IGF2BP2: variants seen among roughly 807,000 people sequenced by gnomAD.
The protein encoded by IGF2BP2 is insulin-like growth factor 2 mRNA-binding protein 2.
In IGF2BP2, 17 loss-of-function variants were observed where a neutral mutation model predicts 75.8. The ratio of observed to expected loss-of-function variants is 0.22; its 90% confidence interval spans 0.15 to 0.34. The LOEUF (loss-of-function observed/expected upper bound fraction) is 0.34, where lower values mean the gene tolerates loss of function less well. IGF2BP2 is among the 10% of genes least tolerant of loss of function. IGF2BP2 has a pLI of 1.00. For synonymous variants in IGF2BP2, 288 were observed against 295.6 expected, an observed-to-expected ratio of 0.97 and a Z score of 0.26; for missense variants, 516 against 772.4, an observed-to-expected ratio of 0.67 and a Z score of 3.93.
At chr3:185,758,471 C>T (rs747338717) in intron 2 of IGF2BP2, among the ~76,000 whole-genome samples, 4 of 152,194 alleles carry the variant, frequency 2.6e-5, no homozygotes, top group Non-Finnish European at 5.9e-5. Context: ...GACCACCTAC[C>T]TCACAGGGTT....
chr3:185,653,645 G>A (rs1408984723), intron 12 of IGF2BP2, among the ~76,000 whole-genome samples: 1 of 151,912 alleles, frequency 6.6e-6, no homozygotes, highest in Non-Finnish European at 1.5e-5. Flanking sequence ...GTGCACATCA[G>A]GCATTTAGGA....
chr3:185,697,418 T>G (rs1396397831), intron 3 of IGF2BP2, among the ~76,000 whole-genome samples: 4 of 66,774 alleles, frequency 6.0e-5, no homozygotes, highest in Admixed American at 2.3e-4. Flanking sequence ...TAATCGTGTG[T>G]TTTTTTTTTT....
At position 185,649,531 on chromosome 3, in the gene IGF2BP2, G is replaced by C; in HGVS notation, c.1465C>G (p.Gln489Glu). The change falls in exon 14 of 16, where the codon CAG (glutamine) becomes GAG (glutamate). Residue 489 changes from glutamine (Q) to glutamate (E), a missense_variant. Gln to Glu is a conservative substitution (Grantham distance 29, BLOSUM62 2). This residue lies in a region of IGF2BP2 where 129 missense variants were observed against 230.5 expected (regional missense o/e 0.56). Coordinates refer to ENST00000382199, the MANE Select transcript of IGF2BP2 (RefSeq NM_006548.6). Reference sequence around the variant, plus strand: ...TTCAGTTTCCCAAAGATCCGTCCCTGGGCCTGAGAGAGCAAGACATGACTA... The same window carrying C: ...TTCAGTTTCCCAAAGATCCGTCCCTCGGCCTGAGAGAGCAAGACATGACTA... ...TGPPEAQFKA[Q>E]GRIFGKLKEE... The C allele has an allele frequency of 1.9e-6, 3 of 1,614,094 alleles. No homozygotes were observed. Among genetic ancestry groups the C allele is most frequent in the Non-Finnish European group, 2.5e-6 (3 of 1,179,996 alleles).
intron 2 of IGF2BP2, chr3:185,716,781 T>A (rs1296639110): frequency 1.9e-6 from 1 of 519,336 alleles, no homozygotes; most frequent in Non-Finnish European, 3.8e-6. Context: ...CATTTCCAGG[T>A]CATGCCTGGT....
chr3:185,738,375 C>G (rs1366512867), intron 2 of IGF2BP2, among the ~76,000 whole-genome samples: 2 of 152,124 alleles, frequency 1.3e-5, no homozygotes, highest in African/African-American at 2.4e-5. Context: ...TTATAGAGCA[C>G]TGTGGGCAGA....
At chr3:185,660,279 C>A (rs1188698390) in intron 10 of IGF2BP2, among the ~76,000 whole-genome samples, 3 of 152,200 alleles carry the variant, frequency 2.0e-5, no homozygotes, top group African/African-American at 7.2e-5. Flanking sequence ...ACGATTCCAA[C>A]AGTGGTCAGA....
chr3:185,669,141 TACAC>T (rs1332510060), intron 10 of IGF2BP2, among the ~76,000 whole-genome samples: 1 of 152,210 alleles, frequency 6.6e-6, no homozygotes, highest in Non-Finnish European at 1.5e-5. Flanking sequence ...CTTGCTCCGT[TACAC>T]ACACTCTTGA....
chr3:185,707,209 A>G (rs921918434), intron 2 of IGF2BP2, among the ~76,000 whole-genome samples: 3 of 145,958 alleles, frequency 2.1e-5, no homozygotes, highest in Non-Finnish European at 4.5e-5. Flanking sequence ...TGGCAACAAG[A>G]GTGAAACTCC....
At chr3:185,750,772 C>T (rs1730859512) in intron 2 of IGF2BP2, among the ~76,000 whole-genome samples, 1 of 152,222 alleles carries the variant, frequency 6.6e-6, no homozygotes, top group Non-Finnish European at 1.5e-5. Context: ...GCCCCTTCAC[C>T]TGTGTACTTT....
intron 2 of IGF2BP2, among the ~76,000 whole-genome samples, chr3:185,779,146 A>G (rs1370119460): frequency 2.0e-5 from 3 of 151,952 alleles, no homozygotes; most frequent in Non-Finnish European, 2.9e-5. Context: ...ATTAAAACTC[A>G]TGAGTCAAAA....
intron 7 of IGF2BP2, among the ~76,000 whole-genome samples, chr3:185,677,930 A>C (rs559221146): frequency 6.6e-6 from 1 of 152,304 alleles, no homozygotes; most frequent in African/African-American, 2.4e-5. Context: ...AAAATAAATA[A>C]ATACAGTGAA....
At chr3:185,714,302 T>C (rs1011464142) in intron 2 of IGF2BP2, among the ~76,000 whole-genome samples, 2 of 152,224 alleles carry the variant, frequency 1.3e-5, no homozygotes, top group African/African-American at 4.8e-5. Flanking sequence ...CTTCTACTGA[T>C]GGACACAAGA....
At position 185,647,060 on chromosome 3, in the gene IGF2BP2, T is replaced by C; in HGVS notation, c.1672A>G (p.Ile558Val). 1.2e-6 allele frequency: 2 copies of C among 1,614,018 alleles called. No individual in the cohort carries two copies. Among genetic ancestry groups the C allele is most frequent in the Non-Finnish European group, 1.7e-6 (2 of 1,179,902 alleles). The stretch of plus-strand genomic sequence containing the variant: ...AAGAAGTGCCCGATAATTCTGACGA[T>C]CACTTCCTCATTTTCATCTGGCGTT... ...DQTPDENEEV[I>V]VRIIGHFFAS... Residue 558 changes from isoleucine to valine, a missense_variant, in exon 15 of 16, where the codon ATC (isoleucine) becomes GTC (valine). Around this residue, in one of 3 missense-constraint regions of IGF2BP2, gnomAD observed 129 missense variants for 230.5 expected, o/e 0.56. Transcript: ENST00000382199. The surrounding 1 kb of genome is among the most constrained non-coding windows in gnomAD (Gnocchi z 4.9).
chr3:185,767,647 T>C (rs1454429867), intron 2 of IGF2BP2, among the ~76,000 whole-genome samples: 3 of 152,082 alleles, frequency 2.0e-5, no homozygotes, highest in Non-Finnish European at 4.4e-5. Flanking sequence ...TTGATCAACA[T>C]ACCTTCTACT....
chr3:185,736,224 C>T (rs1438411046), intron 2 of IGF2BP2, among the ~76,000 whole-genome samples: 1 of 152,122 alleles, frequency 6.6e-6, no homozygotes, highest in African/African-American at 2.4e-5. Context: ...GTCACGGGGA[C>T]TCGGAGGTGG....
At chr3:185,663,224 A>G (rs548283503) in intron 10 of IGF2BP2, among the ~76,000 whole-genome samples, 2 of 152,302 alleles carry the variant, frequency 1.3e-5, no homozygotes, top group East Asian at 3.9e-4. Context: ...AGTCCCACCT[A>G]TTTTATGACG....
chr3:185,747,826 T>TACTCTACTCTACTCTACTC (rs1305024151), intron 2 of IGF2BP2, among the ~76,000 whole-genome samples: 186 of 57,570 alleles, frequency 3.2e-3, no homozygotes, highest in Admixed American at 0.011. Context: ...TTATTTTATT[T>TACTCTACTCTACTCTACTC]TATTCTACTC....
Position 185,672,616 on chromosome 3 carries a change from T to A in IGF2BP2, c.1125A>T (p.Ser375=). 1.2e-6 allele frequency: 2 copies of A among 1,613,996 alleles called. No individual in the cohort carries two copies. The highest frequency in any genetic ancestry group is 1.1e-5 in the South Asian group (1 of 91,058). ...GLNLSALGIF[S]TGLSVLSPPA... ...GTGGAGATAGCACGGACAGTCCTGT[T>A]GAAAAGATGCCAAGTGCGCTGAGGT... Residue 375 remains serine, a synonymous_variant, in exon 10 of 16, where the codon TCA becomes TCT. Transcript: ENST00000382199.
chr3:185,716,474 AT>A (rs1725637930), intron 2 of IGF2BP2: 1 of 519,678 alleles, frequency 1.9e-6, no homozygotes, highest in African/African-American at 1.9e-5. Context: ...GTCTCTTCTT[AT>A]GTCTCTGCTA....
Sources: gnomAD v4.1 joint callset for allele counts (sites outside exome capture counted in the v4.1 genomes callset) on GRCh38, gnomAD v4.1.1 for gene constraint, gnomAD v4.1.1 regional missense constraint, Gnocchi (gnomAD v3.1) non-coding constraint, MANE v1.5 for transcripts, NCBI Gene and HGNC (gene_info 2026-07-23, HGNC 2026-07-21) for gene names.